ZFHX3: variants seen among roughly 807,000 people sequenced by gnomAD.
The protein encoded by ZFHX3 is zinc finger homeobox protein 3.
ZFHX3 carries 42 observed loss-of-function variants against 279.1 expected under a neutral mutation model. The observed-to-expected ratio is 0.15, with a 90% CI of 0.12 to 0.19. The LOEUF (loss-of-function observed/expected upper bound fraction) is 0.19. Among genes scored for constraint, ZFHX3 ranks in the 10% least tolerant of loss-of-function variants. The probability of loss-of-function intolerance (pLI) is 1.00; values close to 1 mark genes in which losing one functional copy is unlikely to be tolerated. For missense variants in ZFHX3, 4,981 were observed against 4,754.0 expected (o/e 1.05, Z -1.40); for synonymous variants, 2,293 against 1,957.8 (o/e 1.17, Z -4.52).
At chr16:73,282,015 C>T (rs2014469358) in intron 4 of ZFHX3, among the ~76,000 whole-genome samples, 1 of 152,164 alleles carries the variant, frequency 6.6e-6, no homozygotes, top group Admixed American at 6.5e-5. Flanking sequence ...CAAAATGACA[C>T]ATAACATGAA....
intron 6 of ZFHX3, among the ~76,000 whole-genome samples, chr16:73,142,956 T>C (rs1229788461): frequency 2.0e-5 from 3 of 152,216 alleles, no homozygotes; most frequent in African/African-American, 7.2e-5. Flanking sequence ...CAGGCTTCCA[T>C]GATTCTGCCA....
intron 5 of ZFHX3, among the ~76,000 whole-genome samples, chr16:73,211,761 A>T (rs1368240457): frequency 6.6e-6 from 1 of 151,306 alleles, no homozygotes; most frequent in East Asian, 1.9e-4. Flanking sequence ...TGCAAAGCAC[A>T]TTTTTTGGGG....
chr16:73,834,910 C>T (rs1339522322), intron 1 of ZFHX3, among the ~76,000 whole-genome samples: 1 of 152,082 alleles, frequency 6.6e-6, no homozygotes, highest in Non-Finnish European at 1.5e-5. Context: ...AAGCGTCTCC[C>T]CCCGTGGGGT....
At chr16:73,819,721 A>C (rs1567421042) in intron 1 of ZFHX3, among the ~76,000 whole-genome samples, 2 of 152,198 alleles carry the variant, frequency 1.3e-5, no homozygotes, top group East Asian at 3.9e-4. Flanking sequence ...AAGCAGTTCC[A>C]GTGATGTGGG....
At chr16:73,550,144 C>T (rs1235206872) in intron 2 of ZFHX3, among the ~76,000 whole-genome samples, 1 of 152,068 alleles carries the variant, frequency 6.6e-6, no homozygotes, top group East Asian at 1.9e-4. Flanking sequence ...GAGGCCAGGT[C>T]CCCCAGGAGT....
At position 72,784,469 on chromosome 16, in the gene ZFHX3, A is replaced by C. The variant is rs1488349568; in HGVS notation, c.*2695T>G. 3 of 152,520 alleles carry C rather than the reference A, an allele frequency of 2.0e-5. No homozygotes were observed. Among genetic ancestry groups the C allele is most frequent in the Non-Finnish European group, 4.4e-5 (3 of 68,028 alleles). The allele number at this position is 152,520 out of a possible 1,614,324, so 9.4% of individuals were successfully genotyped here. A position where few individuals can be genotyped will look rare whatever the true frequency, so the allele number is the denominator to read the frequency against. ...TACATTGTTAACTGATATCACATAG[A>C]GAACCAAAAACAAAAACAATTTTTT... On this transcript the variant is annotated 3_prime_UTR_variant, in exon 10 of 10. Coordinates refer to ENST00000268489, the MANE Select transcript of ZFHX3 (RefSeq NM_006885.4).
intron 1 of ZFHX3, among the ~76,000 whole-genome samples, chr16:73,821,989 C>T (rs187880410): frequency 3.2e-4 from 48 of 152,308 alleles, no homozygotes; most frequent in Admixed American, 6.5e-4. Context: ...GCATCTCCCC[C>T]TCTACATTTG....
At chr16:73,290,572 A>G (rs1050701773) in intron 4 of ZFHX3, among the ~76,000 whole-genome samples, 2 of 152,208 alleles carry the variant, frequency 1.3e-5, no homozygotes, top group African/African-American at 4.8e-5. Flanking sequence ...AGAGGTGGAC[A>G]GGGAAGAGAG....
chr16:72,882,635 G>T (rs1181686914), intron 4 of ZFHX3, among the ~76,000 whole-genome samples: 1 of 152,110 alleles, frequency 6.6e-6, no homozygotes, highest in Non-Finnish European at 1.5e-5. Flanking sequence ...TCTCCAGGGG[G>T]ACCTTCCAGG....
chr16:73,045,710 T>C (rs1965271177), intron 1 of ZFHX3, among the ~76,000 whole-genome samples: 1 of 145,502 alleles, frequency 6.9e-6, no homozygotes, highest in African/African-American at 2.5e-5. Flanking sequence ...TGTTTCTCAA[T>C]AGTTCCCTGT....
chr16:73,628,918 T>C (rs921796603), intron 2 of ZFHX3, among the ~76,000 whole-genome samples: 2 of 152,162 alleles, frequency 1.3e-5, no homozygotes, highest in East Asian at 3.9e-4. Context: ...CCTGCAGATA[T>C]ATGAATGTCT....
At chr16:73,308,890 A>G (rs2015257833) in intron 4 of ZFHX3, among the ~76,000 whole-genome samples, 1 of 151,456 alleles carries the variant, frequency 6.6e-6, no homozygotes, top group Non-Finnish European at 1.5e-5. Context: ...GTACAAAATT[A>G]TATGACATGA....
chr16:73,051,155 T>C (rs1261087075), upstream of ZFHX3, among the ~76,000 whole-genome samples: 1 of 152,274 alleles, frequency 6.6e-6, no homozygotes, highest in Non-Finnish European at 1.5e-5. Context: ...GACAGATTTG[T>C]GCACCCTTCC....
At chr16:73,028,118 C>T (rs1010855937) in intron 1 of ZFHX3, among the ~76,000 whole-genome samples, 18 of 152,184 alleles carry the variant, frequency 1.2e-4, no homozygotes, top group African/African-American at 4.1e-4. Context: ...CGGGACCCTG[C>T]GGCTTCTCCT....
At chr16:73,010,045 T>TAAAAAAAA (rs1963859353) in intron 1 of ZFHX3, among the ~76,000 whole-genome samples, 1 of 100,970 alleles carries the variant, frequency 9.9e-6, no homozygotes, top group Non-Finnish European at 2.0e-5. Context: ...AAAAAAAAAC[T>TAAAAAAAA]CATAAAGGTA....
chr16:73,352,636 C>A (rs142797299), intron 3 of ZFHX3, among the ~76,000 whole-genome samples: 1 of 151,840 alleles, frequency 6.6e-6, no homozygotes, highest in African/African-American at 2.4e-5. Flanking sequence ...TGTGCCACCA[C>A]GCCAGGTTGA....
At chr16:73,478,044 G>A (rs1199471005) in intron 2 of ZFHX3, among the ~76,000 whole-genome samples, 1 of 151,904 alleles carries the variant, frequency 6.6e-6, no homozygotes, top group Admixed American at 6.6e-5. Context: ...AGGCCGAGGC[G>A]GGCGGATCAC....
At chr16:73,883,139 G>A (rs117642183) in intron 1 of ZFHX3, among the ~76,000 whole-genome samples, 3,019 of 151,352 alleles carry the variant, frequency 0.02, 39 homozygotes, top group Non-Finnish European at 0.03. Context: ...TTTTAAGGTG[G>A]GCAATTTCAG....
chr16:73,342,176 G>A (rs891293405), intron 3 of ZFHX3, among the ~76,000 whole-genome samples: 1 of 152,168 alleles, frequency 6.6e-6, no homozygotes, highest in Non-Finnish European at 1.5e-5. Context: ...CTGCTGGTGA[G>A]GCTAGGGGGA....
Sources: allele counts gnomAD v4.1 joint callset (sites outside exome capture counted in the v4.1 genomes callset), GRCh38; gene constraint gnomAD v4.1.1; transcripts MANE v1.5; gene names NCBI Gene and HGNC (gene_info 2026-07-23, HGNC 2026-07-21).